PHRF1: variants seen among roughly 807,000 people sequenced by gnomAD.
PHRF1 encodes PHD and ring finger domains 1, also known as PHD and RING finger domain-containing protein 1.
In PHRF1, 53 loss-of-function variants were observed where a neutral mutation model predicts 128.9. The ratio of observed to expected loss-of-function variants is 0.41; its 90% CI spans 0.33 to 0.52. The LOEUF is 0.52. PHRF1 is among the 20% of genes least tolerant of loss of function. The pLI is 0.21. For missense variants in PHRF1, 2,503 were observed against 2,284.5 expected, an observed-to-expected ratio of 1.10 and a Z score of -1.95; for synonymous variants, 1,178 against 980.6, an observed-to-expected ratio of 1.20 and a Z score of -3.76.
In PHRF1 at chr11:581,927, C is replaced by T. The variant is rs567300431; in HGVS notation, c.95-35C>T. On this transcript the variant is annotated intron_variant, in intron 2 of 17. Transcript: ENST00000264555. ...TGCTCTCTGCTGCATGGTCTTGACG[C>T]CGCCCTGCGGCCTGTGTCTCACCCT... The T allele has an allele frequency of 1.4e-5, 22 of 1,548,920 alleles. No homozygotes were observed. In the South Asian group the frequency reaches 2.4e-4, roughly 17 times the overall value.
In PHRF1 at chr11:610,982, G is replaced by C; in HGVS notation, c.4706G>C (p.Arg1569Pro). 1 of 1,613,406 alleles carries C rather than the reference G, an allele frequency of 6.2e-7. No homozygotes were observed. The highest frequency in any genetic ancestry group is 1.7e-5 in the Admixed American group (1 of 59,992). Residue 1569 changes from arginine (R) to proline (P), a missense_variant, in exon 17 of 18, where the codon CGT (arginine) becomes CCT (proline). Arg to Pro is a moderately radical substitution (Grantham distance 103, BLOSUM62 -2). Transcript: ENST00000264555. ...ATGAAGAAGCTGCACATGCAGGAGC[G>C]TGCTGTGGAGGAGGTGAAGCTGGCC... ...EYMKKLHMQE[R>P]AVEEVKLAIK...
chr11:599,586 C>G (rs1190443617), intron 9 of PHRF1, among the ~76,000 whole-genome samples: 1 of 152,148 alleles, frequency 6.6e-6, no homozygotes, highest in Non-Finnish European at 1.5e-5. Context: ...AGTGAATGCA[C>G]TCGCTTTAGT....
intron 1 of PHRF1, among the ~76,000 whole-genome samples, chr11:578,065 A>G (rs369800049): frequency 3.6e-4 from 55 of 152,164 alleles, no homozygotes; most frequent in African/African-American, 1.3e-3. Flanking sequence ...GGCCTGGGAC[A>G]TGGCAGAGGT....
In PHRF1 at chr11:611,879, C is replaced by G. The variant is rs1856428257; in HGVS notation, c.*102C>G. On this transcript the variant is annotated 3_prime_UTR_variant, in exon 18 of 18. Coordinates refer to ENST00000264555, the MANE Select transcript of PHRF1 (RefSeq NM_001286581.2). The stretch of plus-strand genomic sequence containing the variant: ...GGAGTGGCGGGAATCGGGGCCATGC[C>G]CGGGGAGCTGTCGGGAGTGGCGGGA... 1 of 1,479,716 alleles carries G rather than the reference C, an allele frequency of 6.8e-7. No individual in the cohort carries two copies. The highest frequency in any genetic ancestry group is 8.9e-7 in the Non-Finnish European group (1 of 1,117,354). 91.7% of individuals were successfully genotyped at this position (1,479,716 alleles called of 1,614,324 possible).
chr11:591,532 A>AT, intron 5 of PHRF1, 65 bp downstream of exon 5: 1 of 1,341,184 alleles, frequency 7.5e-7, no homozygotes, highest in South Asian at 1.4e-5. Flanking sequence ...GGGACAGAGC[A>AT]TGCTTTCCAA....
chr11:608,593 G>A lies in PHRF1; in HGVS notation c.3137G>A (p.Arg1046Gln), dbSNP rs149443419. 61,788 of 1,612,134 alleles carry A rather than the reference G, an allele frequency of 0.038. 1,541 individuals are homozygous for A. The highest frequency in any genetic ancestry group is 0.092 in the South Asian group (8,385 of 91,032). The change falls in exon 14 of 18, where the codon CGG becomes CAG. Residue 1046 changes from arginine (R) to glutamine (Q), a missense_variant. Transcript: ENST00000264555. ...GGTGAGGAGCGCCCCAGGAGGCAGC[G>A]GTCCAAGGCCAAGAGCCGGCGGTCC... ...SVGEERPRRQ[R>Q]SKAKSRRSSS...
chr11:598,333 G>A, intron 8 of PHRF1, 40 bp from the exon 9 acceptor site: 1 of 1,593,834 alleles, frequency 6.3e-7, no homozygotes, highest in East Asian at 2.2e-5. Context: ...ACCGGCTGAG[G>A]CCCCAAGGGC....
chr11:601,507 G>A, intron 9 of PHRF1, 67 bp from the exon 10 acceptor site: 3 of 1,603,670 alleles, frequency 1.9e-6, no homozygotes, highest in Non-Finnish European at 2.6e-6. Flanking sequence ...CACTGGGCTG[G>A]ACTCACAGGA....
intron 6 of PHRF1, among the ~76,000 whole-genome samples, chr11:593,727 G>A (rs1413556576): frequency 2.0e-5 from 3 of 152,186 alleles, no homozygotes; most frequent in Non-Finnish European, 4.4e-5. Context: ...GGAGTACAGG[G>A]GCCTTGCAGT....
At chr11:577,337 T>C (rs1346450266) in intron 1 of PHRF1, among the ~76,000 whole-genome samples, 1 of 152,238 alleles carries the variant, frequency 6.6e-6, no homozygotes, top group Non-Finnish European at 1.5e-5. Flanking sequence ...CTTCGGAGTT[T>C]ATGTGCTTTA....
chr11:609,728 G>C lies in PHRF1; in HGVS notation c.4264+8G>C, dbSNP rs374859625. On this transcript the variant is annotated splice_region_variant and intron_variant, in intron 14 of 17. Transcript: ENST00000264555. ...CCGAGGACAGAGCCCCCCGTGAGTA[G>C]TGCCCCGGCCCCCACCGAGGACAGA... 7.9e-4 allele frequency: 1,148 copies of C among 1,449,044 alleles called. 10 individuals are homozygous for C. The African/African-American group carries it at 0.014, about 18-fold the overall frequency. 89.8% of individuals were successfully genotyped at this position (1,449,044 alleles called of 1,614,324 possible).
chr11:580,273 G>A (rs1854128766), intron 1 of PHRF1, among the ~76,000 whole-genome samples: 1 of 152,210 alleles, frequency 6.6e-6, no homozygotes, highest in African/African-American at 2.4e-5. Context: ...TTTCTTATCT[G>A]GGACCAAAGT....
At chr11:590,477 C>G (rs571585998) in intron 4 of PHRF1, among the ~76,000 whole-genome samples, 2 of 152,264 alleles carry the variant, frequency 1.3e-5, no homozygotes, top group African/African-American at 2.4e-5. Flanking sequence ...CCTGAGACAA[C>G]AGGAAGAAAC....
At chr11:588,524 T>G (rs1854727721) in intron 4 of PHRF1, among the ~76,000 whole-genome samples, 1 of 151,972 alleles carries the variant, frequency 6.6e-6, no homozygotes. Flanking sequence ...GAACTGTAGG[T>G]GCCCACCACC....
chr11:587,532 C>T, intron 4 of PHRF1, 68 bp downstream of exon 4: 1 of 1,500,872 alleles, frequency 6.7e-7, no homozygotes, highest in Middle Eastern at 2.4e-4. Context: ...GTGACCCAGC[C>T]TGTGTTCAGC....
At position 605,599 on chromosome 11, in the gene PHRF1, C is replaced by T. The variant is rs1417699306; in HGVS notation, c.1335-6C>T. Reference sequence around the variant, plus strand: ...TGTTCCCTTTGGCCTGTGTCCTCCCCTCTAGCAGTGAAGAGCTTTCTGCAA... The same window carrying T: ...TGTTCCCTTTGGCCTGTGTCCTCCCTTCTAGCAGTGAAGAGCTTTCTGCAA... On this transcript the variant is annotated splice_polypyrimidine_tract_variant and splice_region_variant and intron_variant, in intron 11 of 17. Coordinates refer to ENST00000264555, the MANE Select transcript of PHRF1 (RefSeq NM_001286581.2). 4 of 1,613,250 alleles carry T rather than the reference C, an allele frequency of 2.5e-6. No individual in the cohort carries two copies. In the African/African-American group the frequency reaches 4.0e-5, roughly 16 times the overall value.
intron 3 of PHRF1, among the ~76,000 whole-genome samples, chr11:585,130 C>T (rs1483967210): frequency 6.6e-6 from 1 of 152,210 alleles, no homozygotes; most frequent in African/African-American, 2.4e-5. Context: ...GCAACACCCA[C>T]GTTGCTGGGG....
chr11:610,260 C>G lies in PHRF1; in HGVS notation c.4329C>G (p.Pro1443=). 6.4e-7 allele frequency: 1 copy of G among 1,555,980 alleles called. No homozygotes were observed. The highest frequency in any genetic ancestry group is 8.7e-7 in the Non-Finnish European group (1 of 1,149,878). ...EGAWDMEDVA[P]TGVRQVFSEL... is the part of the protein sequence containing the mutation. ...CCTGGGACATGGAGGATGTGGCCCC[C>G]ACAGGGGTCAGGCAGGTGTTCTCCG... The change falls in exon 15 of 18, where the codon CCC becomes CCG. Residue 1443 remains proline, a synonymous_variant. Coordinates refer to ENST00000264555, the MANE Select transcript of PHRF1 (RefSeq NM_001286581.2).
chr11:606,991 G>A (rs1855987259), intron 13 of PHRF1, 75 bp from the exon 14 acceptor site: 1 of 1,512,434 alleles, frequency 6.6e-7, no homozygotes, highest in African/African-American at 1.4e-5. Flanking sequence ...AAAACCAGTT[G>A]TGATAAAAAT....
Sources: allele counts gnomAD v4.1 joint callset (sites outside exome capture counted in the v4.1 genomes callset), GRCh38; gene constraint gnomAD v4.1.1; transcripts MANE v1.5; gene names NCBI Gene and HGNC (gene_info 2026-07-23, HGNC 2026-07-21).